The following ITGB6 variants were observed in gnomAD, a reference collection of about 807,000 sequenced individuals.
ITGB6 encodes integrin beta-6.
A neutral mutation model predicts 84.5 loss-of-function variants in ITGB6; 80 were observed. That is an observed-to-expected ratio of 0.95 (90% confidence interval 0.79 to 1.14). The LOEUF (loss-of-function observed/expected upper bound fraction) is 1.14, where lower values mean the gene tolerates loss of function less well. Among genes scored for constraint, ITGB6 ranks in the 50% most tolerant of loss-of-function variants. The probability of loss-of-function intolerance (pLI) is 0.00; values close to 1 mark genes in which losing one functional copy is unlikely to be tolerated. For synonymous variants in ITGB6, 383 were observed against 354.9 expected (o/e 1.08, Z -0.89); for missense variants, 1,006 against 968.0 (o/e 1.04, Z -0.52).
intron 13 of ITGB6, 80 bp from the exon 14 acceptor site, chr2:160,107,925 A>T (rs1021065821): frequency 9.6e-6 from 12 of 1,247,008 alleles, no homozygotes; most frequent in Admixed American, 2.2e-5. Context: ...TTGGATTTTC[A>T]TCTACATTTT....
intron 12 of ITGB6, among the ~76,000 whole-genome samples, chr2:160,113,528 A>G (rs1043214599): frequency 2.0e-5 from 3 of 152,236 alleles, no homozygotes; most frequent in African/African-American, 7.2e-5. Flanking sequence ...AACCCATTAG[A>G]AACATCTATT....
At chr2:160,111,223 C>T (rs762474434) in intron 13 of ITGB6, among the ~76,000 whole-genome samples, 1 of 151,764 alleles carries the variant, frequency 6.6e-6, no homozygotes. Context: ...TTTTGAAACT[C>T]GTTTTTTTCA....
Position 160,107,680 on chromosome 2 carries a change from G to T in ITGB6, c.2267C>A (p.Thr756Lys), listed in dbSNP as rs150867142. The T allele has an allele frequency of 6.2e-7, 1 of 1,613,700 alleles. No individual in the cohort carries two copies. Among genetic ancestry groups the T allele is most frequent in the South Asian group, 1.1e-5 (1 of 91,030 alleles). The part of the protein sequence containing the change: ...EAERSKAKWQ[T>K]GTNPLYRGST... Reference sequence around the variant, plus strand: ...GAGTAGCCCTAAGTTTCCACATACCGTTTGCCACTTGGCTTTTGATCGTTC... The same window carrying T: ...GAGTAGCCCTAAGTTTCCACATACCTTTTGCCACTTGGCTTTTGATCGTTC... Residue 756 changes from threonine (T) to lysine (K), a missense_variant and splice_region_variant, in exon 14 of 15, where the codon ACG becomes AAG. Physicochemically the swap from Thr to Lys is moderately conservative, Grantham distance 78. Coordinates refer to ENST00000283249, the MANE Select transcript of ITGB6 (RefSeq NM_000888.5).
At chr2:160,113,904 G>A (rs1682640871) in intron 12 of ITGB6, among the ~76,000 whole-genome samples, 1 of 152,064 alleles carries the variant, frequency 6.6e-6, no homozygotes, top group South Asian at 2.1e-4. Context: ...TGGGGACTAT[G>A]CGTTTTCTTC....
At chr2:160,170,557 C>G (rs1055652789) in intron 6 of ITGB6, among the ~76,000 whole-genome samples, 1 of 152,182 alleles carries the variant, frequency 6.6e-6, no homozygotes, top group Non-Finnish European at 1.5e-5. Context: ...ACCACATAGT[C>G]CTTCGAAGGT....
At chr2:160,142,624 C>G (rs1490172946) in intron 7 of ITGB6, among the ~76,000 whole-genome samples, 1 of 152,202 alleles carries the variant, frequency 6.6e-6, no homozygotes, top group Non-Finnish European at 1.5e-5. Context: ...TTTCAGGATG[C>G]TAGCACCGTG....
intron 7 of ITGB6, among the ~76,000 whole-genome samples, chr2:160,142,505 G>A (rs1684037137): frequency 6.6e-6 from 1 of 152,218 alleles, no homozygotes; most frequent in Non-Finnish European, 1.5e-5. Context: ...AGGTCGCTCT[G>A]TAAGTCATTC....
chr2:160,175,871 A>G (rs1320647102), intron 4 of ITGB6, among the ~76,000 whole-genome samples: 1 of 152,240 alleles, frequency 6.6e-6, no homozygotes, highest in East Asian at 1.9e-4. Flanking sequence ...GCAATGATTC[A>G]ATATTCCATA....
chr2:160,110,749 A>C (rs1369279396), intron 13 of ITGB6, among the ~76,000 whole-genome samples: 3 of 152,100 alleles, frequency 2.0e-5, no homozygotes, highest in Non-Finnish European at 2.9e-5. Flanking sequence ...TCTTCTACCC[A>C]AGCCTCCACC....
At chr2:160,107,505 T>C (rs2105773444) in intron 14 of ITGB6, among the ~76,000 whole-genome samples, 174 bp downstream of exon 14, 1 of 152,304 alleles carries the variant, frequency 6.6e-6, no homozygotes, top group East Asian at 1.9e-4. Context: ...GAGGGTCATC[T>C]GGACCTTTGC....
chr2:160,179,851 A>C (rs1685589154), intron 4 of ITGB6, among the ~76,000 whole-genome samples: 1 of 150,176 alleles, frequency 6.7e-6, no homozygotes, highest in African/African-American at 2.5e-5. Flanking sequence ...TAATCCCAGC[A>C]CTTTGGGAGG....
intron 4 of ITGB6, among the ~76,000 whole-genome samples, chr2:160,179,819 C>T (rs888779018): frequency 5.3e-5 from 8 of 150,796 alleles, no homozygotes; most frequent in Admixed American, 2.6e-4. Context: ...ATCTTTCGGC[C>T]GGGCAGGGTG....
chr2:160,197,537 A>G (rs1159915927), intron 2 of ITGB6, among the ~76,000 whole-genome samples: 1 of 152,248 alleles, frequency 6.6e-6, no homozygotes, highest in Non-Finnish European at 1.5e-5. Flanking sequence ...ATGCTTAGAG[A>G]AAACAAAACC....
chr2:160,134,947 C>A (rs1197136876), intron 10 of ITGB6, among the ~76,000 whole-genome samples: 4 of 152,130 alleles, frequency 2.6e-5, no homozygotes, highest in Non-Finnish European at 5.9e-5. Flanking sequence ...CAGCCAATAT[C>A]ATACTGAATG....
At chr2:160,187,647 G>A (rs573007851) in intron 4 of ITGB6, among the ~76,000 whole-genome samples, 4 of 152,166 alleles carry the variant, frequency 2.6e-5, no homozygotes, top group East Asian at 1.9e-4. Flanking sequence ...AGAGATTTCC[G>A]AATATGTAAA....
At position 160,159,201 on chromosome 2, in the gene ITGB6, C is replaced by A. The variant is rs559081773; in HGVS notation, c.1017+10011G>T. On this transcript the variant is annotated intron_variant, in intron 7 of 14. Coordinates refer to ENST00000283249, the MANE Select transcript of ITGB6 (RefSeq NM_000888.5). ...CCCTGTCCCCCAGGTTGATTGGATA[C>A]ACCAGTTAAAAAAGAAAATAAAAAG... Among the ~76,000 whole-genome samples the A allele has an allele frequency of 1.0e-3, 153 of 152,058 alleles. 1 individual carries two copies. Among genetic ancestry groups the A allele is most frequent in the Middle Eastern group, 3.4e-3 (1 of 292 alleles).
Position 160,101,646 on chromosome 2 carries a change from CT to C in ITGB6, c.*89del. On this transcript the variant is annotated 3_prime_UTR_variant, in exon 15 of 15. Coordinates refer to ENST00000283249, the MANE Select transcript of ITGB6 (RefSeq NM_000888.5). ...TGTCCTATTATTATCTTAAACCAACCTCATTTTGAAGCAACAAAGAGAAAAA... is the reference window on the plus strand; with the variant it reads ...TGTCCTATTATTATCTTAAACCAACCCATTTTGAAGCAACAAAGAGAAAAA... The C allele has an allele frequency of 1.3e-6, 1 of 775,080 alleles. No homozygotes were observed. The highest frequency in any genetic ancestry group is 2.3e-6 in the Non-Finnish European group (1 of 441,080). The allele number at this position is 775,080 out of a possible 1,614,324, so 48.0% of individuals were successfully genotyped here.
chr2:160,169,419 C>T, intron 6 of ITGB6, 112 bp from the exon 7 acceptor site: 1 of 597,488 alleles, frequency 1.7e-6, no homozygotes, highest in African/African-American at 1.9e-5. Context: ...TGCTCACAGG[C>T]ATTATAGCTC....
At chr2:160,175,035 T>G (rs981562356) in intron 4 of ITGB6, among the ~76,000 whole-genome samples, 1 of 152,196 alleles carries the variant, frequency 6.6e-6, no homozygotes, top group African/African-American at 2.4e-5. Flanking sequence ...GGATGCATGC[T>G]AAAGTTTTAG....
Sources: gnomAD v4.1 joint callset for allele counts (sites outside exome capture counted in the v4.1 genomes callset) on GRCh38, gnomAD v4.1.1 for gene constraint, MANE v1.5 for transcripts, NCBI Gene and HGNC (gene_info 2026-07-23, HGNC 2026-07-21) for gene names.